Variants in MECOM observed in about 807,000 individuals in gnomAD.
MECOM encodes the protein histone-lysine N-methyltransferase MECOM.
In MECOM, 13 loss-of-function variants were observed where a neutral mutation model predicts 116.3. That is an observed-to-expected ratio of 0.11 (90% CI 0.07 to 0.18). The LOEUF is 0.18. Ranked by LOEUF, MECOM falls within the 10% of genes least tolerant of loss-of-function variation. The pLI, the probability that MECOM is intolerant of heterozygous loss-of-function variation, is 1.00. For missense variants in MECOM, 1,299 were observed against 1,509.0 expected (o/e 0.86, Z 2.31); for synonymous variants, 528 against 535.2 (o/e 0.99, Z 0.19).
rs1344462397 is a variant in MECOM at position 169,084,095 on chromosome 3, CAAT to C, written c.*811_*813del. 3.0e-5 allele frequency: 7 copies of C among 231,546 alleles called. No individual in the cohort carries two copies. Among genetic ancestry groups the C allele is most frequent in the African/African-American group, 1.5e-4 (7 of 45,222 alleles). 14.3% of individuals were successfully genotyped at this position (231,546 alleles called of 1,614,324 possible). A position where few individuals can be genotyped will look rare whatever the true frequency, so the allele number is the denominator to read the frequency against. ...GAACAGTGCTATTTTAATCAACAAA[CAAT>C]AGTTTGCCAACAAATAAATACATGA... On this transcript the variant is annotated 3_prime_UTR_variant, in exon 17 of 17. Transcript: ENST00000651503.
Position 169,611,302 on chromosome 3 carries a change from G to A in MECOM, c.37+52034C>T, listed in dbSNP as rs760050570. ...TCCAATGCAATTTGTACATTATGCC[G>A]AATCATAATACAGGCCTTGTACTTC... On this transcript the variant is annotated intron_variant, in intron 1 of 16. Coordinates refer to ENST00000651503, the MANE Select transcript of MECOM (RefSeq NM_004991.4). This position sits in a 1 kb window ranked among gnomAD's most constrained non-coding sequence, Gnocchi z 4.1. 1.3e-5 allele frequency among the ~76,000 whole-genome samples: 2 copies of A among 152,178 alleles called. No individual in the cohort carries two copies. The highest frequency in any genetic ancestry group is 6.5e-5 in the Admixed American group (1 of 15,280).
At chr3:169,568,306 C>A (rs1318792690) in intron 1 of MECOM, among the ~76,000 whole-genome samples, 1 of 152,176 alleles carries the variant, frequency 6.6e-6, no homozygotes, top group African/African-American at 2.4e-5. Context: ...TTTGGGCAGA[C>A]ACTGAGCTAG....
chr3:169,143,794 A>G lies in MECOM; in HGVS notation c.414T>C (p.Asp138=), dbSNP rs774985286. The G allele has an allele frequency of 6.2e-7, 1 of 1,611,604 alleles. No homozygotes were observed. Among genetic ancestry groups the G allele is most frequent in the Non-Finnish European group, 8.5e-7 (1 of 1,178,826 alleles). Residue 138 remains aspartate (D), a synonymous_variant, in exon 3 of 17, where the codon GAT becomes GAC. Coordinates refer to ENST00000651503, the MANE Select transcript of MECOM (RefSeq NM_004991.4). ...DEFYNVKFCI[D]ASQPDVGSWL... ...AGCTTCCAACATCTGGTTGACTGGC[A>G]TCTATGCAGAACTTCACATTGTAAA...
intron 2 of MECOM, among the ~76,000 whole-genome samples, chr3:169,357,691 G>C (rs1232912183): frequency 2.6e-5 from 4 of 151,722 alleles, no homozygotes; most frequent in Non-Finnish European, 5.9e-5. Flanking sequence ...TATTTGCTCT[G>C]AAGGAAGGTG....
At chr3:169,145,070 AG>A in intron 2 of MECOM, 2 of 1,521,274 alleles carry the variant, frequency 1.3e-6, no homozygotes, top group Non-Finnish European at 1.8e-6. Context: ...TTTGGCCATG[AG>A]GAAATTGAAG....
At chr3:169,600,665 AGTT>A (rs1269261222) in intron 1 of MECOM, among the ~76,000 whole-genome samples, 1 of 152,172 alleles carries the variant, frequency 6.6e-6, no homozygotes, top group African/African-American at 2.4e-5. Flanking sequence ...GGAGTTTACA[AGTT>A]GAATGTTTTT....
At chr3:169,149,935 CTGTGTGTGTGTGTGTGTG>C (rs58944452) in intron 2 of MECOM, among the ~76,000 whole-genome samples, 8 of 131,312 alleles carry the variant, frequency 6.1e-5, no homozygotes, top group South Asian at 2.7e-4. Context: ...TTCTCTCTCT[CTGTGTGTGTGTGTGTGTG>C]TGTGTGTGTG....
chr3:169,489,738 A>C (rs1752850603), intron 1 of MECOM, among the ~76,000 whole-genome samples: 2 of 152,226 alleles, frequency 1.3e-5, no homozygotes, highest in African/African-American at 4.8e-5. Context: ...AACAAAAATT[A>C]AATTTCAAAT....
chr3:169,397,070 A>G (rs1735132453), intron 1 of MECOM, among the ~76,000 whole-genome samples: 1 of 152,214 alleles, frequency 6.6e-6, no homozygotes, highest in South Asian at 2.1e-4. Flanking sequence ...TTATTAAGTG[A>G]CAGATCTAAA....
At position 169,565,414 on chromosome 3, in the gene MECOM, C is replaced by G. The variant is rs978420780; in HGVS notation, c.37+97922G>C. ...GGGCTTTCCTCGGATCCACTGCCCC[C>G]TCCTCACTCACTGTCTTCTCACCAT... On this transcript the variant is annotated intron_variant, in intron 1 of 16. Coordinates refer to ENST00000651503, the MANE Select transcript of MECOM (RefSeq NM_004991.4). Among the ~76,000 whole-genome samples the G allele has an allele frequency of 2.0e-5, 3 of 152,212 alleles. No homozygotes were observed. The South Asian group carries it at 6.2e-4, about 32-fold the overall frequency.
chr3:169,135,338 TAAAG>T (rs1560244497), intron 3 of MECOM, among the ~76,000 whole-genome samples: 2 of 151,950 alleles, frequency 1.3e-5, no homozygotes, highest in African/African-American at 4.8e-5. Flanking sequence ...CCCCAATAAA[TAAAG>T]AGAGGTTCAA....
chr3:169,629,546 G>A (rs1771819059), intron 1 of MECOM, among the ~76,000 whole-genome samples: 1 of 152,054 alleles, frequency 6.6e-6, no homozygotes, highest in African/African-American at 2.4e-5. Flanking sequence ...CTACTCCCCA[G>A]CCGAGAGCTC....
At chr3:169,294,779 T>C (rs1560098979) in intron 2 of MECOM, among the ~76,000 whole-genome samples, 2 of 152,124 alleles carry the variant, frequency 1.3e-5, no homozygotes, top group Non-Finnish European at 2.9e-5. Context: ...CCTGCCTCAG[T>C]CCTTCTTCCA....
chr3:169,154,926 C>A (rs1741723313), intron 2 of MECOM, among the ~76,000 whole-genome samples: 2 of 152,132 alleles, frequency 1.3e-5, no homozygotes, highest in Admixed American at 1.3e-4. Flanking sequence ...TTCCATCCTT[C>A]AACCCAAATT....
At chr3:169,114,176 C>G (rs1257285686) in intron 8 of MECOM, among the ~76,000 whole-genome samples, 5 of 152,170 alleles carry the variant, frequency 3.3e-5, no homozygotes, top group African/African-American at 1.2e-4. Flanking sequence ...AATCTACACA[C>G]AAAACACGGA....
chr3:169,115,013 C>T (rs1053455388), intron 8 of MECOM, among the ~76,000 whole-genome samples: 2 of 152,100 alleles, frequency 1.3e-5, no homozygotes, highest in South Asian at 4.1e-4. Flanking sequence ...AAGAACCTGA[C>T]CCATTTAAGT....
chr3:169,467,422 G>A (rs913554609), intron 1 of MECOM, among the ~76,000 whole-genome samples: 9 of 152,028 alleles, frequency 5.9e-5, no homozygotes, highest in African/African-American at 2.2e-4. Flanking sequence ...CTGCAAGTGA[G>A]GAAAGCAAAG....
chr3:169,223,546 A>G (rs953907257), intron 2 of MECOM, among the ~76,000 whole-genome samples: 4 of 152,078 alleles, frequency 2.6e-5, no homozygotes, highest in Admixed American at 6.6e-5. Flanking sequence ...CTTCCAATTA[A>G]AAAATGTGAT....
At chr3:169,556,858 A>G (rs1006901042) in intron 1 of MECOM, among the ~76,000 whole-genome samples, 1 of 152,130 alleles carries the variant, frequency 6.6e-6, no homozygotes, top group Admixed American at 6.5e-5. Context: ...AAGAAACCCT[A>G]CGCTACAACC....
Sources: allele counts gnomAD v4.1 joint callset (sites outside exome capture counted in the v4.1 genomes callset), GRCh38; gene constraint gnomAD v4.1.1; non-coding constraint Gnocchi (gnomAD v3.1); transcripts MANE v1.5; gene names NCBI Gene and HGNC (gene_info 2026-07-23, HGNC 2026-07-21).